The following ZNF100 variants were observed in gnomAD, a reference collection of about 807,000 sequenced individuals.
The protein encoded by ZNF100 is zinc finger protein 100.
ZNF100 carries 12 observed loss-of-function variants against 15.8 expected under a neutral mutation model. The observed-to-expected ratio is 0.76, with a 90% CI of 0.49 to 1.23. ZNF100 has a LOEUF of 1.23. Among genes scored for constraint, ZNF100 ranks in the 50% most tolerant of loss-of-function variants. The pLI is 0.00. For synonymous variants in ZNF100, 226 were observed against 214.8 expected, an observed-to-expected ratio of 1.05 and a Z score of -0.45; for missense variants, 670 against 635.6, an observed-to-expected ratio of 1.05 and a Z score of -0.58.
chr19:21,748,729 A>C (rs1351405028), intron 2 of ZNF100, among the ~76,000 whole-genome samples: 1 of 152,152 alleles, frequency 6.6e-6, no homozygotes, highest in East Asian at 1.9e-4. Flanking sequence ...TTTGAGATGG[A>C]GTTTCATTCT....
chr19:21,737,702 CCAA>C lies in ZNF100; in HGVS notation c.322+6312_322+6314del, dbSNP rs371983879. ...GGAAGAAGTTGAATCCCTGAATAGA[CCAA>C]CAACAAGTTCTGAAATTGAGACAGT... is the stretch of plus-strand genomic sequence containing the variant. On this transcript the variant is annotated intron_variant, in intron 4 of 4. Coordinates refer to ENST00000358296, the MANE Select transcript of ZNF100 (RefSeq NM_173531.4). Among the ~76,000 whole-genome samples the C allele has an allele frequency of 2.0e-3, 304 of 152,146 alleles. 1 individual carries two copies. The highest frequency in any genetic ancestry group is 7.0e-3 in the African/African-American group (290 of 41,458).
At chr19:21,740,912 G>A (rs1365632898) in intron 4 of ZNF100, among the ~76,000 whole-genome samples, 1 of 152,078 alleles carries the variant, frequency 6.6e-6, no homozygotes, top group African/African-American at 2.4e-5. Context: ...CTCCATTAAT[G>A]AATCTATATT....
intron 2 of ZNF100, among the ~76,000 whole-genome samples, chr19:21,755,019 A>G (rs770959160): frequency 1.9e-4 from 29 of 152,242 alleles, no homozygotes; most frequent in Non-Finnish European, 3.2e-4. Flanking sequence ...TATGTGGCCA[A>G]CAAACATGAA....
At chr19:21,750,970 G>T in intron 2 of ZNF100, 4 of 1,011,572 alleles carry the variant, frequency 4.0e-6, no homozygotes, top group Non-Finnish European at 2.9e-6. Context: ...ATGCGGTGGC[G>T]GTAGCGCCCG....
At chr19:21,750,979 C>T (rs2036297905) in intron 2 of ZNF100, 1 of 1,085,500 alleles carries the variant, frequency 9.2e-7, no homozygotes, top group African/African-American at 1.6e-5. Context: ...CGGTAGCGCC[C>T]GCTTCTGTGG....
chr19:21,735,371 G>A (rs1374562899), intron 4 of ZNF100, among the ~76,000 whole-genome samples: 1 of 152,086 alleles, frequency 6.6e-6, no homozygotes, highest in Non-Finnish European at 1.5e-5. Context: ...GTGGGTGCCT[G>A]TAGTCCCAGC....
In ZNF100 at chr19:21,727,323, G is replaced by C; in HGVS notation, c.989C>G (p.Ser330Ter). Residue 330 changes from serine (S) to a stop codon, truncating the protein, a stop_gained, in exon 5 of 5, where the codon TCA becomes TGA. Coordinates refer to ENST00000358296, the MANE Select transcript of ZNF100 (RefSeq NM_173531.4). LOFTEE classifies it low-confidence loss of function (END_TRUNC). ...TECGKAFNRSSHLTTHRIIHT... is the reference protein window; with the variant it reads ...TECGKAFNRS ...AATTATCCTGTGTGTAGTAAGGTGT[G>C]AGGACCGGTTAAAAGCTTTGCCACA... 1 of 1,609,498 alleles carries C rather than the reference G, an allele frequency of 6.2e-7. No homozygotes were observed. Among genetic ancestry groups the C allele is most frequent in the Non-Finnish European group, 8.5e-7 (1 of 1,176,566 alleles).
chr19:21,731,705 A>T (rs1281342610), intron 4 of ZNF100, among the ~76,000 whole-genome samples: 1 of 152,212 alleles, frequency 6.6e-6, no homozygotes, highest in Admixed American at 6.5e-5. Context: ...ATATTCTAAT[A>T]ACTCTAAAAA....
Position 21,726,857 on chromosome 19 carries a change from G to C in ZNF100, c.1455C>G (p.Tyr485Ter), listed in dbSNP as rs779725111. The C allele has an allele frequency of 3.1e-6, 5 of 1,613,344 alleles. No homozygotes were observed. Among genetic ancestry groups the C allele is most frequent in the Non-Finnish European group, 3.4e-6 (4 of 1,179,752 alleles). The change falls in exon 5 of 5, where the codon TAC (tyrosine) becomes TAG (stop). Residue 485 changes from tyrosine to a stop codon, truncating the protein, a stop_gained. Transcript: ENST00000358296. LOFTEE classifies it low-confidence loss of function (END_TRUNC). ...HKMIHTGEKPYKCEECGKAFN... is the reference protein window; with the variant it reads ...HKMIHTGEKP ...AAGCTTTGCCACATTCCTCACATTTGTAGGGTTTCTCTCCAGTATGAATCA... is the reference window on the plus strand; with the variant it reads ...AAGCTTTGCCACATTCCTCACATTTCTAGGGTTTCTCTCCAGTATGAATCA...
intron 2 of ZNF100, among the ~76,000 whole-genome samples, chr19:21,745,509 ATTTC>A (rs1490872306): frequency 1.3e-5 from 2 of 151,226 alleles, no homozygotes; most frequent in Non-Finnish European, 2.9e-5. Context: ...GAGTTTCTGA[ATTTC>A]TTTCTTTTTT....
intron 4 of ZNF100, among the ~76,000 whole-genome samples, chr19:21,730,109 T>C (rs1218861222): frequency 6.6e-6 from 1 of 152,026 alleles, no homozygotes; most frequent in Non-Finnish European, 1.5e-5. Context: ...TGTCTTTCTG[T>C]TTCAGAAAAT....
chr19:21,763,043 T>A (rs2036506192), intron 2 of ZNF100, among the ~76,000 whole-genome samples: 1 of 152,162 alleles, frequency 6.6e-6, no homozygotes, highest in African/African-American at 2.4e-5. Context: ...CCCTTTAGGG[T>A]CCAAAATGGG....
chr19:21,746,177 T>C (rs534514776), intron 2 of ZNF100, among the ~76,000 whole-genome samples: 1 of 152,344 alleles, frequency 6.6e-6, no homozygotes, highest in Admixed American at 6.5e-5. Context: ...CTTATGCACA[T>C]AGAAGAACAT....
rs2035752997 is a variant in ZNF100 at position 21,725,097 on chromosome 19, ATTCT to A, written c.*1582_*1585del. 1 of 152,264 alleles carries A rather than the reference ATTCT, an allele frequency of 6.6e-6. No individual in the cohort carries two copies. Among genetic ancestry groups the A allele is most frequent in the Admixed American group, 6.5e-5 (1 of 15,274 alleles). 9.4% of individuals were successfully genotyped at this position (152,264 alleles called of 1,614,324 possible). ...CAAAAATTTAACCTACAGAAATAAT[ATTCT>A]TTAACTTATTTGCAGTCAAAGCCAC... is the stretch of plus-strand genomic sequence containing the variant. On this transcript the variant is annotated 3_prime_UTR_variant, in exon 5 of 5. Coordinates refer to ENST00000358296, the MANE Select transcript of ZNF100 (RefSeq NM_173531.4).
chr19:21,751,160 A>T, intron 2 of ZNF100: 1 of 1,334,572 alleles, frequency 7.5e-7, no homozygotes, highest in Non-Finnish European at 1.1e-6. Flanking sequence ...AGGAAGAGCA[A>T]CCACTTAAAT....
rs146603525 is a variant in ZNF100, at chr19:21,734,565, G to A, written c.323-6576C>T. ...CAAGAACTATTGGATTATGTAAACA[G>A]ACCAAACTTACAACTGATTGCAGTA... On this transcript the variant is annotated intron_variant, in intron 4 of 4. Coordinates refer to ENST00000358296, the MANE Select transcript of ZNF100 (RefSeq NM_173531.4). Among the ~76,000 whole-genome samples, 570 of 152,184 alleles carry A rather than the reference G, an allele frequency of 3.7e-3. 2 individuals carry two copies. Among genetic ancestry groups the A allele is most frequent in the African/African-American group, 0.013 (550 of 41,532 alleles).
chr19:21,767,568 A>G lies in ZNF100; in HGVS notation c.-139T>C. The stretch of plus-strand genomic sequence containing the variant: ...AAAACCTGGAGCTCCGGCTACAGCG[A>G]GAGACAAAGACCCCGCCAAACCCGG... On this transcript the variant is annotated 5_prime_UTR_variant, in exon 1 of 5. Transcript: ENST00000358296. The G allele has an allele frequency of 7.3e-7, 1 of 1,369,388 alleles. No individual in the cohort carries two copies. Among genetic ancestry groups the G allele is most frequent in the Non-Finnish European group, 1.0e-6 (1 of 997,886 alleles). The allele number at this position is 1,369,388 out of a possible 1,614,324, so 84.8% of individuals were successfully genotyped here. A position where few individuals can be genotyped will look rare whatever the true frequency, so the allele number is the denominator to read the frequency against.
chr19:21,736,987 G>C (rs780423539), intron 4 of ZNF100, among the ~76,000 whole-genome samples: 1 of 151,770 alleles, frequency 6.6e-6, no homozygotes, highest in African/African-American at 2.4e-5. Flanking sequence ...AAAAGGAAAA[G>C]AGAACCAAGA....
chr19:21,750,449 A>G (rs2036282924), intron 2 of ZNF100: 1 of 152,178 alleles, frequency 6.6e-6, no homozygotes, highest in Non-Finnish European at 1.5e-5. Flanking sequence ...AAAAACCTCA[A>G]TAAAACACTG....
Sources: allele counts gnomAD v4.1 joint callset (sites outside exome capture counted in the v4.1 genomes callset), GRCh38; gene constraint gnomAD v4.1.1; transcripts MANE v1.5; gene names NCBI Gene and HGNC (gene_info 2026-07-23, HGNC 2026-07-21).